NBPF12: variants seen among roughly 807,000 people sequenced by gnomAD.
NBPF12 encodes NBPF family member NBPF12.
Under a neutral mutation model 146.4 loss-of-function variants are expected in NBPF12, and 115 were observed. The ratio of observed to expected loss-of-function variants is 0.79; its 90% CI spans 0.68 to 0.92. The LOEUF is 0.92. NBPF12 is among the 40% of genes least tolerant of loss of function. NBPF12 has a pLI of 0.00. For synonymous variants in NBPF12, 385 were observed against 508.9 expected (o/e 0.76, Z 3.28); for missense variants, 1,205 against 1,326.8 (o/e 0.91, Z 1.43).
chr1:146,984,777 C>T (rs1657644862), intron 21 of NBPF12, 36 bp from the exon 25 acceptor site: 5 of 1,033,326 alleles, frequency 4.8e-6, no homozygotes, highest in Admixed American at 1.7e-5. Flanking sequence ...TTCTGATTCC[C>T]CCTGGCTTAT....
At chr1:146,994,122 G>GTC (rs1317070119) in intron 33 of NBPF12, among the ~76,000 whole-genome samples, 17 of 118,440 alleles carry the variant, frequency 1.4e-4, no homozygotes, top group African/African-American at 6.2e-4. Flanking sequence ...CTCTGTCTCT[G>GTC]TCTCTGTCTC....
At chr1:146,971,367 T>C (rs1656600111) in exon 13 of NBPF12, 4 of 1,611,394 alleles carry the variant, frequency 2.5e-6, no homozygotes, top group African/African-American at 2.7e-5. Flanking sequence ...TCATGATGAA[T>C]GTCAGGATGC....
chr1:146,977,498 C>T, exon 18 of NBPF12: 1 of 1,610,596 alleles, frequency 6.2e-7, no homozygotes, highest in South Asian at 1.1e-5. Context: ...AAGGAAGTCC[C>T]TGAGGACTCA....
chr1:146,963,624 C>T (rs1177703215), intron 6 of NBPF12, among the ~76,000 whole-genome samples: 2 of 151,846 alleles, frequency 1.3e-5, no homozygotes, highest in Non-Finnish European at 2.9e-5. Context: ...GAGCTCTGGG[C>T]TAAGAATGAA....
chr1:146,965,343 A>G (rs1346147905), intron 8 of NBPF12, among the ~76,000 whole-genome samples: 12 of 151,432 alleles, frequency 7.9e-5, no homozygotes, highest in Non-Finnish European at 2.9e-5. Context: ...TACGAAGAAT[A>G]CAAAAAATTA....
At chr1:146,962,633 T>A (rs1471423746) in intron 5 of NBPF12, among the ~76,000 whole-genome samples, 1 of 151,266 alleles carries the variant, frequency 6.6e-6, no homozygotes, top group Non-Finnish European at 1.5e-5. Context: ...CTTCTCATTC[T>A]TTCACTCAAT....
intron 19 of NBPF12, among the ~76,000 whole-genome samples, chr1:146,980,148 T>A (rs1657278341): frequency 6.6e-6 from 1 of 152,048 alleles, no homozygotes; most frequent in Non-Finnish European, 1.5e-5. Context: ...CCTGCATTTT[T>A]TTGCTTTCCA....
chr1:146,973,645 G>T (rs1656801473), intron 14 of NBPF12, among the ~76,000 whole-genome samples: 1 of 149,122 alleles, frequency 6.7e-6, no homozygotes, highest in Non-Finnish European at 1.5e-5. Context: ...AAAAGTAGAT[G>T]GGCATGGTGG....
intron 14 of NBPF12, among the ~76,000 whole-genome samples, chr1:146,973,576 T>G (rs1343182515): frequency 1.3e-5 from 2 of 149,028 alleles, no homozygotes; most frequent in African/African-American, 5.0e-5. Flanking sequence ...GAGCACGAGG[T>G]CAGGAGTTTG....
Position 146,964,576 on chromosome 1 carries a change from T to G in NBPF12, c.566+147T>G, listed in dbSNP as rs1311376450. 7 of 1,331,000 alleles carry G rather than the reference T, an allele frequency of 5.3e-6. No homozygotes were observed. In the Admixed American group the frequency reaches 1.2e-4, roughly 23 times the overall value. 82.4% of individuals were successfully genotyped at this position (1,331,000 alleles called of 1,614,324 possible). On this transcript the variant is annotated intron_variant, in intron 7 of 33. Coordinates refer to ENST00000617844, the Ensembl canonical transcript of NBPF12. ...AATTCAACCCAGCTTAGACACAGGGTGCGACAGCTGTCATGTTTCTCTATG... is the reference window on the plus strand; with the variant it reads ...AATTCAACCCAGCTTAGACACAGGGGGCGACAGCTGTCATGTTTCTCTATG...
upstream of NBPF12, among the ~76,000 whole-genome samples, chr1:146,948,510 C>G (rs1195825671): frequency 6.6e-6 from 1 of 151,734 alleles, no homozygotes; most frequent in African/African-American, 2.4e-5. Context: ...AAGGGCTGTT[C>G]AGGGTGTGCT....
intron 4 of NBPF12, among the ~76,000 whole-genome samples, chr1:146,961,016 G>A (rs1309230330): frequency 6.6e-6 from 1 of 152,046 alleles, no homozygotes; most frequent in African/African-American, 2.4e-5. Context: ...CGTCGTGGCG[G>A]GCAACTGTAA....
intron 16 of NBPF12, among the ~76,000 whole-genome samples, chr1:146,976,582 C>T (rs1657043195): frequency 6.8e-6 from 1 of 146,824 alleles, no homozygotes; most frequent in Non-Finnish European, 1.5e-5. Context: ...GTTTGAAATG[C>T]AAACTGTGAC....
At chr1:146,980,297 G>A (rs1428358186) in intron 19 of NBPF12, among the ~76,000 whole-genome samples, 3 of 151,982 alleles carry the variant, frequency 2.0e-5, no homozygotes, top group African/African-American at 4.8e-5. Context: ...TTTAACTGGG[G>A]CATTTAGCCC....
exon 12 of NBPF12, chr1:146,970,690 T>G (rs1482967944): frequency 1.4e-6 from 2 of 1,421,234 alleles, no homozygotes; most frequent in Non-Finnish European, 2.0e-6. Context: ...TTGAGGAGGA[T>G]GAGAAAGTGC....
At chr1:146,994,818 A>C in exon 34 of NBPF12, 2 of 771,412 alleles carry the variant, frequency 2.6e-6, no homozygotes, top group Middle Eastern at 4.2e-4. Context: ...GATCAGCCGG[A>C]CATTTTAATT....
At chr1:146,972,372 T>C (rs1553886644) in intron 13 of NBPF12, among the ~76,000 whole-genome samples, 22,529 of 150,658 alleles carry the variant, frequency 0.15, 2,249 homozygotes, top group Admixed American at 0.27. Flanking sequence ...GCAGCCTGCG[T>C]GACAGAGTGA....
chr1:146,963,410 T>C (rs1438605171), intron 6 of NBPF12, 101 bp downstream of exon 9: 3 of 1,602,166 alleles, frequency 1.9e-6, no homozygotes, highest in Admixed American at 1.7e-5. Context: ...GGGGTTTTTT[T>C]CTACTACACA....
chr1:146,978,458 T>TG (rs1424865533), intron 18 of NBPF12, among the ~76,000 whole-genome samples: 5 of 145,424 alleles, frequency 3.4e-5, no homozygotes, highest in Non-Finnish European at 6.0e-5. Context: ...AGAGACAGGG[T>TG]TTCCCCATAT....
Sources: gnomAD v4.1 joint callset for allele counts (sites outside exome capture counted in the v4.1 genomes callset) on GRCh38, gnomAD v4.1.1 for gene constraint, MANE v1.5 for transcripts, NCBI Gene and HGNC (gene_info 2026-07-23, HGNC 2026-07-21) for gene names.